KIAA1671: variants seen among roughly 807,000 people sequenced by gnomAD.
The protein encoded by KIAA1671 is KIAA1671, also known as uncharacterized protein KIAA1671.
In KIAA1671, 52 loss-of-function variants were observed where a neutral mutation model predicts 131.2. The observed-to-expected ratio is 0.40, with a 90% CI of 0.32 to 0.50. KIAA1671 has a LOEUF of 0.50. KIAA1671 is among the 20% of genes least tolerant of loss of function. KIAA1671 has a pLI of 0.73. For synonymous variants in KIAA1671, 1,003 were observed against 961.6 expected (o/e 1.04, Z -0.80); for missense variants, 2,360 against 2,364.2 (o/e 1.00, Z 0.04).
chr22:25,148,716 G>A (rs987774140), intron 6 of KIAA1671, among the ~76,000 whole-genome samples: 1 of 150,698 alleles, frequency 6.6e-6, no homozygotes, highest in Non-Finnish European at 1.5e-5. Flanking sequence ...CCTTGCAAAG[G>A]CTTGGGATGT....
intron 6 of KIAA1671, among the ~76,000 whole-genome samples, chr22:25,123,190 G>GTTTTT (rs59051108): frequency 7.9e-5 from 5 of 63,392 alleles, no homozygotes; most frequent in Admixed American, 3.7e-4. Flanking sequence ...CTGAGATGAG[G>GTTTTT]TTTTTTTTTT....
intron 6 of KIAA1671, among the ~76,000 whole-genome samples, chr22:25,103,158 T>A (rs934938923): frequency 2.6e-5 from 4 of 151,062 alleles, no homozygotes; most frequent in Non-Finnish European, 4.4e-5. Context: ...TGGGTTCAAG[T>A]CCCAGAGCCC....
intron 5 of KIAA1671, among the ~76,000 whole-genome samples, chr22:25,045,174 AAT>A (rs1257785095): frequency 4.1e-5 from 6 of 147,136 alleles, no homozygotes; most frequent in Non-Finnish European, 7.7e-5. Flanking sequence ...GAAAAAAAAA[AAT>A]TTTGAAATAC....
In KIAA1671 at chr22:25,040,870, G is replaced by C. The variant is rs1383220684; in HGVS notation, c.3740G>C (p.Arg1247Thr). 6.5e-6 allele frequency: 10 copies of C among 1,542,488 alleles called. No homozygotes were observed. Among genetic ancestry groups the C allele is most frequent in the Non-Finnish European group, 8.8e-6 (10 of 1,142,192 alleles). Residue 1247 changes from arginine to threonine, a missense_variant, in exon 5 of 13, where the codon AGG (arginine) becomes ACG (threonine). Around this residue, in one of 3 missense-constraint regions of KIAA1671, gnomAD observed 1,161 missense variants for 1,204.7 expected, o/e 0.96. Transcript: ENST00000358431. ...CAGCTGGGCGGGGTGGAGCAGAGAAGGAGGAGCCTGAAGGAGATGCCCGAT... is the reference window on the plus strand; with the variant it reads ...CAGCTGGGCGGGGTGGAGCAGAGAACGAGGAGCCTGAAGGAGATGCCCGAT... ...PVQLGGVEQRRRSLKEMPDTG... is the reference protein window; with the variant it reads ...PVQLGGVEQRTRSLKEMPDTG...
chr22:25,167,204 TC>T (rs1933674563), intron 6 of KIAA1671, among the ~76,000 whole-genome samples: 1 of 152,166 alleles, frequency 6.6e-6, no homozygotes, highest in Non-Finnish European at 1.5e-5. Flanking sequence ...CCTGAGTGCA[TC>T]CCTACAGCGT....
chr22:25,084,389 C>T (rs1248865319), intron 6 of KIAA1671, among the ~76,000 whole-genome samples: 2 of 146,458 alleles, frequency 1.4e-5, no homozygotes, highest in African/African-American at 5.1e-5. Context: ...GCAGGAGAAT[C>T]GCTTGAATCG....
At chr22:25,081,262 A>C (rs1271857580) in intron 6 of KIAA1671, among the ~76,000 whole-genome samples, 1 of 152,146 alleles carries the variant, frequency 6.6e-6, no homozygotes, top group Non-Finnish European at 1.5e-5. Context: ...TCCTGTGCAC[A>C]ATCTCCCAAT....
At chr22:25,087,304 G>A (rs918974680) in intron 6 of KIAA1671, among the ~76,000 whole-genome samples, 4 of 152,198 alleles carry the variant, frequency 2.6e-5, no homozygotes, top group African/African-American at 7.2e-5. Context: ...CTGTGTTCCT[G>A]CTGGGCACAG....
intron 11 of KIAA1671, among the ~76,000 whole-genome samples, chr22:25,187,952 T>A (rs1934532328): frequency 6.6e-6 from 1 of 152,186 alleles, no homozygotes; most frequent in Non-Finnish European, 1.5e-5. Flanking sequence ...GAAAATTCAT[T>A]GAGCTGTGCA....
At chr22:24,995,437 G>T (rs1291894695) in intron 1 of KIAA1671, among the ~76,000 whole-genome samples, 1 of 151,272 alleles carries the variant, frequency 6.6e-6, no homozygotes, top group African/African-American at 2.4e-5. Context: ...ACTCACTGCA[G>T]CCTCAACCTC....
At chr22:25,050,247 A>G (rs6004406) in intron 6 of KIAA1671, 32,289 of 152,246 alleles carry the variant, frequency 0.21, 3,570 homozygotes, top group Middle Eastern at 0.29. Context: ...CAGCTGTCCC[A>G]TTCAGAGCTT....
chr22:25,093,455 G>A (rs1344492785), intron 6 of KIAA1671, among the ~76,000 whole-genome samples: 1 of 152,098 alleles, frequency 6.6e-6, no homozygotes, highest in Non-Finnish European at 1.5e-5. Context: ...TCCCTCCCCT[G>A]ACCTGTTTCT....
intron 1 of KIAA1671, among the ~76,000 whole-genome samples, chr22:24,973,328 C>T (rs1005432664): frequency 4.0e-5 from 6 of 150,760 alleles, no homozygotes; most frequent in African/African-American, 1.5e-4. Context: ...CAGTCCTCCC[C>T]ATGACCCGCC....
At chr22:25,144,008 A>C (rs7284957) in intron 6 of KIAA1671, among the ~76,000 whole-genome samples, 72,495 of 149,118 alleles carry the variant, frequency 0.49, 18,552 homozygotes, top group African/African-American at 0.68. Flanking sequence ...CCATCTGTAT[A>C]AAAAAAAAAA....
chr22:25,000,942 A>G (rs547882081), intron 1 of KIAA1671, among the ~76,000 whole-genome samples: 1 of 151,558 alleles, frequency 6.6e-6, no homozygotes, highest in African/African-American at 2.4e-5. Flanking sequence ...CCAGACCCTC[A>G]TTGTATTTTT....
intron 6 of KIAA1671, among the ~76,000 whole-genome samples, chr22:25,076,558 G>A (rs746372769): frequency 7.2e-5 from 11 of 152,166 alleles, no homozygotes; most frequent in Non-Finnish European, 1.5e-4. Flanking sequence ...GGGGCATGGG[G>A]AGAGAGATTA....
chr22:25,026,678 CA>C (rs1925960412), intron 2 of KIAA1671, among the ~76,000 whole-genome samples: 1 of 151,624 alleles, frequency 6.6e-6, no homozygotes, highest in Non-Finnish European at 1.5e-5. Context: ...TGCTGTGAGC[CA>C]AGGTCGCGCC....
chr22:24,972,427 T>C (rs1569195398), intron 1 of KIAA1671, among the ~76,000 whole-genome samples: 1 of 152,182 alleles, frequency 6.6e-6, no homozygotes, highest in Non-Finnish European at 1.5e-5. Context: ...TATTCATCCA[T>C]CCACCTACCC....
At chr22:25,035,811 G>A (rs1926557786) in intron 4 of KIAA1671, among the ~76,000 whole-genome samples, 1 of 152,126 alleles carries the variant, frequency 6.6e-6, no homozygotes, top group African/African-American at 2.4e-5. Context: ...TTAAAGAAAG[G>A]AATAGTTAAG....
Sources: allele counts gnomAD v4.1 joint callset (sites outside exome capture counted in the v4.1 genomes callset), GRCh38; gene constraint gnomAD v4.1.1; regional missense constraint gnomAD v4.1.1; transcripts MANE v1.5; gene names NCBI Gene and HGNC (gene_info 2026-07-23, HGNC 2026-07-21).